Variants in ATP11B observed in about 807,000 individuals in gnomAD.
ATP11B encodes the protein phospholipid-transporting ATPase IF.
Under a neutral mutation model 157.8 loss-of-function variants are expected in ATP11B, and 81 were observed. The observed-to-expected ratio is 0.51, with a 90% CI of 0.43 to 0.62. The LOEUF (loss-of-function observed/expected upper bound fraction) is 0.62, where lower values mean the gene tolerates loss of function less well. ATP11B is among the 20% of genes least tolerant of loss of function. The pLI is 0.00. For synonymous variants in ATP11B, 451 were observed against 469.4 expected (o/e 0.96, Z 0.51); for missense variants, 1,165 against 1,402.2 (o/e 0.83, Z 2.70).
intron 8 of ATP11B, chr3:182,844,711 T>C (rs1459470429): frequency 1.1e-5 from 2 of 189,300 alleles, no homozygotes; most frequent in African/African-American, 4.8e-5. Flanking sequence ...ATGCAAATCA[T>C]ACTATAGTTT....
intron 8 of ATP11B, among the ~76,000 whole-genome samples, chr3:182,843,120 G>A (rs1173993946): frequency 6.6e-6 from 1 of 152,130 alleles, no homozygotes; most frequent in African/African-American, 2.4e-5. Context: ...CCCTCAACTT[G>A]TAACCCATTT....
chr3:182,808,780 T>C (rs968599236), intron 1 of ATP11B, among the ~76,000 whole-genome samples: 7 of 152,222 alleles, frequency 4.6e-5, no homozygotes, highest in Non-Finnish European at 5.9e-5. Context: ...GTTGCAAATA[T>C]AGTGGAGAGG....
chr3:182,867,558 T>A, intron 15 of ATP11B, 114 bp downstream of exon 15: 4 of 490,034 alleles, frequency 8.2e-6, no homozygotes, highest in South Asian at 2.8e-5. Context: ...TCTGTTTTTC[T>A]ACAGCCCACA....
At chr3:182,836,935 T>G (rs1389847196) in intron 6 of ATP11B, 136 bp from the exon 7 acceptor site, 5 of 639,250 alleles carry the variant, frequency 7.8e-6, no homozygotes, top group Non-Finnish European at 1.4e-5. Flanking sequence ...ACATGTTTCT[T>G]TCTCTTCTGT....
intron 28 of ATP11B, 104 bp downstream of exon 28, chr3:182,898,876 C>T: frequency 2.6e-6 from 2 of 763,452 alleles, no homozygotes. Context: ...GGAAATTAGC[C>T]ATTCCTGTTT....
intron 7 of ATP11B, among the ~76,000 whole-genome samples, chr3:182,839,580 C>CT (rs1421575303): frequency 4.4e-5 from 5 of 113,340 alleles, no homozygotes; most frequent in Non-Finnish European, 9.7e-5. Flanking sequence ...TTTTAATCAT[C>CT]TTTTTCTTTT....
rs1717252929 is a variant in ATP11B at position 182,820,376 on chromosome 3, G to A, written c.144G>A (p.Lys48=). The A allele has an allele frequency of 6.3e-7, 1 of 1,589,958 alleles. No individual in the cohort carries two copies. The highest frequency in any genetic ancestry group is 1.1e-5 in the South Asian group (1 of 90,534). ...KFIDNRIISS[K]YTVWNFVPKN... ...TAGATAACAGGATCATTTCATCTAA[G>A]GTAAGAATTAAAATTTTTATTGTTA... Residue 48 remains lysine, a splice_region_variant and synonymous_variant, in exon 2 of 30, where the codon AAG becomes AAA. Coordinates refer to ENST00000323116, the MANE Select transcript of ATP11B (RefSeq NM_014616.3).
intron 12 of ATP11B, among the ~76,000 whole-genome samples, chr3:182,861,451 C>T (rs753059960): frequency 3.9e-5 from 6 of 152,164 alleles, no homozygotes; most frequent in Non-Finnish European, 5.9e-5. Flanking sequence ...TCAATAAATA[C>T]GGCACTTACC....
intron 29 of ATP11B, 72 bp downstream of exon 29, chr3:182,914,066 T>C (rs1426542732): frequency 6.3e-7 from 1 of 1,580,876 alleles, no homozygotes; most frequent in Non-Finnish European, 8.6e-7. Context: ...CCTGCCGCTC[T>C]AGATACCTAA....
chr3:182,857,581 G>C (rs1169129070), intron 10 of ATP11B, among the ~76,000 whole-genome samples: 1 of 149,376 alleles, frequency 6.7e-6, no homozygotes, highest in Non-Finnish European at 1.5e-5. Context: ...AAAAAACTTA[G>C]AATAATTACT....
At chr3:182,862,848 T>TA (rs1720947513) in intron 12 of ATP11B, among the ~76,000 whole-genome samples, 3 of 151,882 alleles carry the variant, frequency 2.0e-5, no homozygotes, top group Admixed American at 2.0e-4. Context: ...GGTGAAGTTT[T>TA]AAGAGAACCA....
chr3:182,850,484 C>CA (rs1719889594), intron 10 of ATP11B, among the ~76,000 whole-genome samples: 1 of 150,456 alleles, frequency 6.6e-6, no homozygotes, highest in Non-Finnish European at 1.5e-5. Flanking sequence ...AAAAACAAAA[C>CA]AAAACAAAAA....
In ATP11B at chr3:182,873,981, G is replaced by A. The variant is rs539050744; in HGVS notation, c.2218G>A (p.Glu740Lys). ...LELINQKSDS[E>K]CAEQLRQLAR... is the part of the protein sequence containing the mutation. ...ACTTATAAACCAGAAATCAGACAGC[G>A]AGTGTGCTGAACAATTGAGGCAGCT... is the stretch of plus-strand genomic sequence containing the variant. Residue 740 changes from glutamate to lysine, a missense_variant, in exon 19 of 30, where the codon GAG (glutamate) becomes AAG (lysine). By Grantham distance (56) the Glu-to-Lys change is moderately conservative (BLOSUM62 1). Around this residue, in one of 4 missense-constraint regions of ATP11B, gnomAD observed 737 missense variants for 930.5 expected, o/e 0.79. Coordinates refer to ENST00000323116, the MANE Select transcript of ATP11B (RefSeq NM_014616.3). The A allele has an allele frequency of 4.2e-5, 67 of 1,613,970 alleles. No homozygotes were observed. The South Asian group carries it at 6.8e-4, about 16-fold the overall frequency.
At chr3:182,795,780 TAGAC>T (rs1268137899) in intron 1 of ATP11B, among the ~76,000 whole-genome samples, 1 of 152,228 alleles carries the variant, frequency 6.6e-6, no homozygotes, top group Non-Finnish European at 1.5e-5. Context: ...ATCCCAGTCA[TAGAC>T]AGCTATTCTG....
chr3:182,841,977 CAAAAAAAAAA>C, intron 7 of ATP11B, 88 bp from the exon 8 acceptor site: 1 of 359,842 alleles, frequency 2.8e-6, no homozygotes, highest in South Asian at 2.5e-5. Context: ...AGACTCGTCT[CAAAAAAAAAA>C]AAAAAAAAAA....
chr3:182,907,806 T>C (rs1054657002), intron 28 of ATP11B, among the ~76,000 whole-genome samples: 2 of 152,206 alleles, frequency 1.3e-5, no homozygotes, highest in African/African-American at 4.8e-5. Context: ...TAAGTTCTAG[T>C]GGATATTTCA....
chr3:182,846,142 A>T (rs570916832), intron 9 of ATP11B, among the ~76,000 whole-genome samples: 1 of 152,304 alleles, frequency 6.6e-6, no homozygotes, highest in African/African-American at 2.4e-5. Context: ...AGCTCCTCAC[A>T]TTTCAGGAAT....
intron 29 of ATP11B, chr3:182,915,508 A>G (rs1725078556): frequency 2.0e-6 from 2 of 984,376 alleles, no homozygotes; most frequent in Admixed American, 6.2e-5. Flanking sequence ...CATTGCACAG[A>G]ATCAAGATAG....
chr3:182,917,942 T>G (rs1725243994), intron 29 of ATP11B, 81 bp from the exon 30 acceptor site: 3 of 1,563,498 alleles, frequency 1.9e-6, no homozygotes, highest in Non-Finnish European at 2.6e-6. Flanking sequence ...TGCATTTGGG[T>G]CCTAAGTTTT....
Sources: allele counts gnomAD v4.1 joint callset (sites outside exome capture counted in the v4.1 genomes callset), GRCh38; gene constraint gnomAD v4.1.1; regional missense constraint gnomAD v4.1.1; transcripts MANE v1.5; gene names NCBI Gene and HGNC (gene_info 2026-07-23, HGNC 2026-07-21).